The following PDE9A variants were observed in gnomAD, a reference collection of about 807,000 sequenced individuals.
PDE9A encodes phosphodiesterase 9A, also known as high affinity cGMP-specific 3',5'-cyclic phosphodiesterase 9A.
A neutral mutation model predicts 87.4 loss-of-function variants in PDE9A; 60 were observed. The observed-to-expected ratio is 0.69, with a 90% CI of 0.56 to 0.85. The LOEUF (loss-of-function observed/expected upper bound fraction) is 0.85. Ranked by LOEUF, PDE9A falls within the 40% of genes least tolerant of loss-of-function variation. The probability of loss-of-function intolerance (pLI) is 0.00; values close to 1 mark genes in which losing one functional copy is unlikely to be tolerated. For synonymous variants in PDE9A, 272 were observed against 279.4 expected (o/e 0.97, Z 0.27); for missense variants, 665 against 779.0 (o/e 0.85, Z 1.74).
chr21:42,662,587 A>G (rs2057598504), intron 1 of PDE9A, among the ~76,000 whole-genome samples: 1 of 147,264 alleles, frequency 6.8e-6, no homozygotes, highest in African/African-American at 2.5e-5. Flanking sequence ...CACCAAGCAC[A>G]CGCACATCAT....
In PDE9A at chr21:42,713,129, C is replaced by CTTGTTTTTGTTT. The variant is rs58212770; in HGVS notation, c.262+14132_262+14143dup. 6.1e-4 allele frequency among the ~76,000 whole-genome samples: 92 copies of CTTGTTTTTGTTT among 151,386 alleles called. 1 individual carries two copies. The highest frequency in any genetic ancestry group is 2.1e-3 in the African/African-American group (87 of 41,146). The stretch of plus-strand genomic sequence containing the variant: ...GGTGTGTTTGCTTTTTATGTATTGA[C>CTTGTTTTTGTTT]TTGTTTTTGTTTTTGTTTTTGTTTT... On this transcript the variant is annotated intron_variant, in intron 4 of 19. Coordinates refer to ENST00000291539, the MANE Select transcript of PDE9A (RefSeq NM_002606.3).
intron 7 of PDE9A, 52 bp from the exon 8 acceptor site, chr21:42,743,724 C>A: frequency 8.6e-7 from 1 of 1,157,418 alleles, no homozygotes; most frequent in Non-Finnish European, 1.3e-6. Flanking sequence ...CTTGAGAGAT[C>A]CTCCACATTC....
chr21:42,755,599 G>A (rs1469803333), intron 10 of PDE9A, among the ~76,000 whole-genome samples: 2 of 152,208 alleles, frequency 1.3e-5, no homozygotes, highest in African/African-American at 4.8e-5. Flanking sequence ...AGGGCCCCAG[G>A]TGTGGGAGAT....
chr21:42,709,717 G>A (rs188568957), intron 4 of PDE9A, among the ~76,000 whole-genome samples: 49 of 152,196 alleles, frequency 3.2e-4, no homozygotes, highest in South Asian at 1.7e-3. Flanking sequence ...AGGGTCTCAC[G>A]CCTGTTGCCC....
chr21:42,749,408 C>T (rs188590184), intron 8 of PDE9A, among the ~76,000 whole-genome samples: 3 of 152,250 alleles, frequency 2.0e-5, no homozygotes, highest in Admixed American at 1.3e-4. Flanking sequence ...GAACCCAGAT[C>T]GGCCCAGCCC....
chr21:42,657,155 C>T (rs2057137869), intron 1 of PDE9A, among the ~76,000 whole-genome samples: 1 of 152,204 alleles, frequency 6.6e-6, no homozygotes, highest in African/African-American at 2.4e-5. Context: ...GCCCTTTGTG[C>T]AGAACTGGTA....
At chr21:42,666,110 G>GT (rs1569106932) in intron 1 of PDE9A, among the ~76,000 whole-genome samples, 1 of 152,212 alleles carries the variant, frequency 6.6e-6, no homozygotes, top group African/African-American at 2.4e-5. Context: ...TGGGGTGGGG[G>GT]CGTGGCCACC....
At chr21:42,674,385 T>C (rs2058728284) in intron 1 of PDE9A, among the ~76,000 whole-genome samples, 1 of 147,552 alleles carries the variant, frequency 6.8e-6, no homozygotes, top group African/African-American at 2.5e-5. Flanking sequence ...GCGTGAGAAA[T>C]TCTTTAACAC....
At chr21:42,716,212 T>C (rs927509203) in intron 4 of PDE9A, among the ~76,000 whole-genome samples, 3 of 151,858 alleles carry the variant, frequency 2.0e-5, no homozygotes, top group Non-Finnish European at 2.9e-5. Context: ...CAAGTTTTTG[T>C]GTGCACATAA....
chr21:42,747,363 G>A (rs1051034564), intron 8 of PDE9A, among the ~76,000 whole-genome samples: 1 of 152,178 alleles, frequency 6.6e-6, no homozygotes, highest in South Asian at 2.1e-4. Flanking sequence ...AGAGGCCAGC[G>A]TTCTTGCCTC....
At position 42,692,631 on chromosome 21, in the gene PDE9A, G is replaced by GT. The variant is rs1203826175; in HGVS notation, c.218+4639dup. Among the ~76,000 whole-genome samples the GT allele has an allele frequency of 2.0e-5, 3 of 152,098 alleles. No individual in the cohort carries two copies. Among genetic ancestry groups the GT allele is most frequent in the Admixed American group, 2.0e-4 (3 of 15,280 alleles). On this transcript the variant is annotated intron_variant, in intron 3 of 19. Transcript: ENST00000291539. This position sits in a 1 kb window ranked among gnomAD's most constrained non-coding sequence, Gnocchi z 4.3. ...CAGCAGAAAGCCAGGCTTTCTGCAG[G>GT]TTCCCAGTGAGGAGGACGAGGCTGG... is the stretch of plus-strand genomic sequence containing the variant.
intron 8 of PDE9A, among the ~76,000 whole-genome samples, chr21:42,750,700 C>T (rs541934771): frequency 1.3e-5 from 2 of 152,130 alleles, no homozygotes; most frequent in East Asian, 1.9e-4. Context: ...CTTAGCCTCC[C>T]GAGTAGCTGG....
At chr21:42,654,818 G>A (rs1187708856) in intron 1 of PDE9A, among the ~76,000 whole-genome samples, 1 of 152,152 alleles carries the variant, frequency 6.6e-6, no homozygotes, top group Non-Finnish European at 1.5e-5. Flanking sequence ...CCCTGTGCCC[G>A]GCTTGATCCC....
chr21:42,709,503 C>T (rs1490221924), intron 4 of PDE9A, among the ~76,000 whole-genome samples: 1 of 152,174 alleles, frequency 6.6e-6, no homozygotes, highest in Non-Finnish European at 1.5e-5. Flanking sequence ...ACCGCCACCA[C>T]AATCAAGACA....
intron 4 of PDE9A, among the ~76,000 whole-genome samples, chr21:42,717,264 T>C (rs1210044658): frequency 1.3e-5 from 2 of 151,016 alleles, no homozygotes; most frequent in African/African-American, 4.8e-5. Flanking sequence ...TAGTAACTAA[T>C]TCTCTCAGCT....
chr21:42,746,060 A>G (rs2053816129), intron 8 of PDE9A, among the ~76,000 whole-genome samples: 2 of 152,182 alleles, frequency 1.3e-5, no homozygotes, highest in Admixed American at 1.3e-4. Context: ...AAACGACTGC[A>G]TTTACCGCCC....
chr21:42,687,123 G>A (rs2059525118), intron 2 of PDE9A, among the ~76,000 whole-genome samples: 1 of 152,216 alleles, frequency 6.6e-6, no homozygotes, highest in African/African-American at 2.4e-5. Context: ...AATGTAAAGG[G>A]TGAGCAGGAG....
chr21:42,724,133 G>T (rs954684770), intron 4 of PDE9A, among the ~76,000 whole-genome samples: 1 of 152,178 alleles, frequency 6.6e-6, no homozygotes, highest in South Asian at 2.1e-4. Flanking sequence ...CATTCAGGTG[G>T]TGCAGGTGGG....
At chr21:42,730,880 G>A (rs143300198) in intron 4 of PDE9A, among the ~76,000 whole-genome samples, 2 of 152,308 alleles carry the variant, frequency 1.3e-5, no homozygotes, top group East Asian at 3.9e-4. Flanking sequence ...CAGTGCTTGT[G>A]AACATTTTTA....
Sources: gnomAD v4.1 joint callset for allele counts (sites outside exome capture counted in the v4.1 genomes callset) on GRCh38, gnomAD v4.1.1 for gene constraint, Gnocchi (gnomAD v3.1) non-coding constraint, MANE v1.5 for transcripts, NCBI Gene and HGNC (gene_info 2026-07-23, HGNC 2026-07-21) for gene names.